ATP2C2: variants seen among roughly 807,000 people sequenced by gnomAD.
ATP2C2 encodes the protein calcium-transporting ATPase type 2C member 2.
In ATP2C2, 171 loss-of-function variants were observed where a neutral mutation model predicts 110.8. The ratio of observed to expected loss-of-function variants is 1.54; its 90% confidence interval spans 1.36 to 1.75. The LOEUF is 1.75. ATP2C2 is among the 40% of genes most tolerant of loss of function. The probability of loss-of-function intolerance (pLI) is 0.00; values close to 1 mark genes in which losing one functional copy is unlikely to be tolerated. For synonymous variants in ATP2C2, 804 were observed against 508.4 expected, an observed-to-expected ratio of 1.58 and a Z score of -7.82; for missense variants, 1,963 against 1,235.0, an observed-to-expected ratio of 1.59 and a Z score of -8.84.
At chr16:84,459,866 G>T (rs1204666394) in intron 23 of ATP2C2, 1 of 371,920 alleles carries the variant, frequency 2.7e-6, no homozygotes, top group African/African-American at 2.1e-5. Context: ...CTGATGTCTA[G>T]AGATAAAGGG....
At chr16:84,455,360 C>T (rs1910699731) in intron 21 of ATP2C2, among the ~76,000 whole-genome samples, 1 of 152,192 alleles carries the variant, frequency 6.6e-6, no homozygotes, top group Non-Finnish European at 1.5e-5. Context: ...CGTGCTCACA[C>T]TTGAGTGTGG....
Position 84,434,871 on chromosome 16 carries a change from C to G in ATP2C2, c.987-4295C>G, listed in dbSNP as rs183562912. 1.5e-3 allele frequency among the ~76,000 whole-genome samples: 232 copies of G among 152,224 alleles called. 1 individual carries two copies. The highest frequency in any genetic ancestry group is 5.4e-3 in the African/African-American group (224 of 41,506). ...AATTCTTTATTATTATGAATTCATCCAAGTAATACAAAGATGCCCTTCCCC... is the reference window on the plus strand; with the variant it reads ...AATTCTTTATTATTATGAATTCATCGAAGTAATACAAAGATGCCCTTCCCC... On this transcript the variant is annotated intron_variant, in intron 11 of 26. Coordinates refer to ENST00000262429, the MANE Select transcript of ATP2C2 (RefSeq NM_014861.4).
At chr16:84,438,546 G>A (rs571087692) in intron 11 of ATP2C2, among the ~76,000 whole-genome samples, 2 of 152,178 alleles carry the variant, frequency 1.3e-5, no homozygotes, top group Non-Finnish European at 2.9e-5. Context: ...CGCTCTCCTC[G>A]AATCCAGCCA....
chr16:84,452,063 G>A lies in ATP2C2; in HGVS notation c.1803G>A (p.Gly601=), dbSNP rs201509217. Residue 601 remains glycine (G), a synonymous_variant, in exon 18 of 27, where the codon GGG becomes GGA. Coordinates refer to ENST00000262429, the MANE Select transcript of ATP2C2 (RefSeq NM_014861.4). ...GTGTGTCTGTGAAGATGATAACGGG[G>A]GATGCCCTGGAGACGGCCTTGGCCA... ...ESGVSVKMIT[G]DALETALAIG... is the part of the protein sequence containing the mutation. 1,550 of 1,613,990 alleles carry A rather than the reference G, an allele frequency of 9.6e-4. 21 individuals carry two copies. In the South Asian group the frequency reaches 0.011, roughly 11 times the overall value.
At chr16:84,405,290 C>G (rs370926576) in intron 3 of ATP2C2, 46 bp downstream of exon 3, 10 of 1,499,844 alleles carry the variant, frequency 6.7e-6, no homozygotes, top group Admixed American at 5.3e-5. Flanking sequence ...CATAAGCCAG[C>G]GAGGGTGGGG....
intron 11 of ATP2C2, among the ~76,000 whole-genome samples, chr16:84,434,708 G>C (rs1202304909): frequency 6.6e-6 from 1 of 151,848 alleles, no homozygotes; most frequent in South Asian, 2.1e-4. Context: ...GGTAGAGACG[G>C]GGTTTCAACA....
In ATP2C2 at chr16:84,462,146, G is replaced by C. The variant is rs1567469885; in HGVS notation, c.2722+17G>C. The C allele has an allele frequency of 3.1e-6, 5 of 1,607,046 alleles. No homozygotes were observed. The highest frequency in any genetic ancestry group is 2.7e-5 in the African/African-American group (2 of 74,770). ...GAGCGCTTGGTGAGTGGTGGGGACGGGAACGACAGGTGACCTCGACCAGGG... is the reference window on the plus strand; with the variant it reads ...GAGCGCTTGGTGAGTGGTGGGGACGCGAACGACAGGTGACCTCGACCAGGG... On this transcript the variant is annotated intron_variant, in intron 26 of 26. Coordinates refer to ENST00000262429, the MANE Select transcript of ATP2C2 (RefSeq NM_014861.4).
chr16:84,436,725 A>T (rs1347434851), intron 11 of ATP2C2, among the ~76,000 whole-genome samples: 1 of 150,980 alleles, frequency 6.6e-6, no homozygotes, highest in Non-Finnish European at 1.5e-5. Flanking sequence ...TCACCTGCTC[A>T]AAATCTCTCC....
chr16:84,413,811 C>G (rs1269598420), intron 6 of ATP2C2, among the ~76,000 whole-genome samples: 3 of 152,146 alleles, frequency 2.0e-5, no homozygotes, highest in Admixed American at 1.3e-4. Flanking sequence ...CTGTGTTACT[C>G]CATCCCTGGT....
rs138531771 is a variant in ATP2C2 at position 84,437,856 on chromosome 16, C to G, written c.987-1310C>G. Among the ~76,000 whole-genome samples the G allele has an allele frequency of 7.9e-5, 12 of 152,336 alleles. No homozygotes were observed. In the East Asian group the frequency reaches 1.9e-3, roughly 24 times the overall value. ...TCGCCTCAAAAAGAAACCCTGTGCC[C>G]TTTAGCTATCACTCTACATTCCCAC... On this transcript the variant is annotated intron_variant, in intron 11 of 26. Coordinates refer to ENST00000262429, the MANE Select transcript of ATP2C2 (RefSeq NM_014861.4).
intron 7 of ATP2C2, among the ~76,000 whole-genome samples, chr16:84,420,670 G>C (rs952541397): frequency 2.6e-5 from 4 of 151,968 alleles, no homozygotes; most frequent in Non-Finnish European, 5.9e-5. Context: ...GACACTTTCA[G>C]ATCCCCATAG....
rs191451894 is a variant in ATP2C2, at chr16:84,420,677, A to C, written c.625-1713A>C. Among the ~76,000 whole-genome samples, 128 of 152,166 alleles carry C rather than the reference A, an allele frequency of 8.4e-4. 3 individuals carry two copies. The highest frequency in any genetic ancestry group is 8.2e-3 in the Admixed American group (125 of 15,292). ...GAGTCTGTGACACTTTCAGATCCCC[A>C]TAGATTTCCCTAATGTCCTTTTTCT... On this transcript the variant is annotated intron_variant, in intron 7 of 26. Coordinates refer to ENST00000262429, the MANE Select transcript of ATP2C2 (RefSeq NM_014861.4).
intron 16 of ATP2C2, among the ~76,000 whole-genome samples, chr16:84,447,060 T>C (rs551170400): frequency 3.6e-4 from 55 of 152,296 alleles, no homozygotes; most frequent in Admixed American, 2.0e-4. Flanking sequence ...AAATTTTCTT[T>C]TCAGATTTGT....
intron 24 of ATP2C2, chr16:84,461,162 G>T: frequency 3.7e-6 from 1 of 270,298 alleles, no homozygotes; most frequent in Non-Finnish European, 7.0e-6. Flanking sequence ...AGAGGTGATT[G>T]TTTGCTTTGG....
chr16:84,429,455 C>A lies in ATP2C2; in HGVS notation c.986+3654C>A, dbSNP rs117306704. On this transcript the variant is annotated intron_variant, in intron 11 of 26. Coordinates refer to ENST00000262429, the MANE Select transcript of ATP2C2 (RefSeq NM_014861.4). Reference sequence around the variant, plus strand: ...GGTGTGAGCCAGTGCTTCCAGCCTTCGTGGAGCTTTTGAGGAGCATTTATC... The same window carrying A: ...GGTGTGAGCCAGTGCTTCCAGCCTTAGTGGAGCTTTTGAGGAGCATTTATC... Among the ~76,000 whole-genome samples the A allele has an allele frequency of 7.6e-4, 116 of 152,200 alleles. 1 individual carries two copies. The highest frequency in any genetic ancestry group is 6.3e-3 in the Admixed American group (96 of 15,266).
At position 84,393,811 on chromosome 16, in the gene ATP2C2, G is replaced by A. The variant is rs187756702; in HGVS notation, c.100-4688G>A. 1.8e-3 allele frequency among the ~76,000 whole-genome samples: 267 copies of A among 151,794 alleles called. 3 individuals are homozygous for A. Among genetic ancestry groups the A allele is most frequent in the South Asian group, 2.1e-3 (10 of 4,794 alleles). ...GGACCCAGGAGAGAGTCAGGAGGACGGTTTCTAAGTGGTGGACGGAGTTCC... is the reference window on the plus strand; with the variant it reads ...GGACCCAGGAGAGAGTCAGGAGGACAGTTTCTAAGTGGTGGACGGAGTTCC... On this transcript the variant is annotated intron_variant, in intron 1 of 26. Transcript: ENST00000262429.
intron 6 of ATP2C2, among the ~76,000 whole-genome samples, chr16:84,414,279 G>A (rs1378804569): frequency 6.6e-6 from 1 of 152,198 alleles, no homozygotes; most frequent in Non-Finnish European, 1.5e-5. Context: ...AGGGATCTGA[G>A]GTGGGAGCCG....
chr16:84,448,689 G>C lies in ATP2C2; in HGVS notation c.1660G>C (p.Val554Leu), dbSNP rs754987324. Residue 554 changes from valine to leucine, a missense_variant and splice_region_variant, in exon 17 of 27, where the codon GTG becomes CTG. Transcript: ENST00000262429. ...EKRMGSLGLR[V>L]LALASGPELG... ...GAGGATGGGGTCGCTCGGTTTGCGG[G>C]GTCAGTGCCTGTGGTCCCGGCCCAG... 2 of 1,610,228 alleles carry C rather than the reference G, an allele frequency of 1.2e-6. No individual in the cohort carries two copies. The highest frequency in any genetic ancestry group is 4.5e-5 in the East Asian group (2 of 44,716).
intron 1 of ATP2C2, among the ~76,000 whole-genome samples, chr16:84,374,487 A>T (rs538286480): frequency 1.3e-5 from 2 of 152,326 alleles, no homozygotes; most frequent in African/African-American, 4.8e-5. Flanking sequence ...GTTCTCAGAA[A>T]ACTTGAAGGC....
Sources: allele counts gnomAD v4.1 joint callset (sites outside exome capture counted in the v4.1 genomes callset), GRCh38; gene constraint gnomAD v4.1.1; transcripts MANE v1.5; gene names NCBI Gene and HGNC (gene_info 2026-07-23, HGNC 2026-07-21).